The following CSGALNACT1 variants were observed in gnomAD, a reference collection of about 807,000 sequenced individuals.
The protein encoded by CSGALNACT1 is chondroitin sulfate N-acetylgalactosaminyltransferase 1.
CSGALNACT1 carries 52 observed loss-of-function variants against 51.0 expected under a neutral mutation model. The observed-to-expected ratio is 1.02, with a 90% confidence interval of 0.82 to 1.29. The LOEUF is 1.29. Among genes scored for constraint, CSGALNACT1 ranks in the 50% most tolerant of loss-of-function variants. The pLI, the probability that CSGALNACT1 is intolerant of heterozygous loss-of-function variation, is 0.00. For missense variants in CSGALNACT1, 935 were observed against 679.2 expected (o/e 1.38, Z -4.19); for synonymous variants, 341 against 254.4 (o/e 1.34, Z -3.24).
intron 1 of CSGALNACT1, among the ~76,000 whole-genome samples, chr8:19,632,706 A>G (rs1190314961): frequency 2.0e-5 from 3 of 152,166 alleles, no homozygotes; most frequent in African/African-American, 7.2e-5. Flanking sequence ...CTCCCCAGGA[A>G]AGGAAAGTTG....
intron 3 of CSGALNACT1, among the ~76,000 whole-genome samples, chr8:19,527,136 C>A (rs1284582538): frequency 1.3e-5 from 2 of 152,140 alleles, no homozygotes; most frequent in African/African-American, 4.8e-5. Flanking sequence ...CTGGCAGTAA[C>A]AGATCCATGA....
intron 3 of CSGALNACT1, among the ~76,000 whole-genome samples, chr8:19,558,967 G>C (rs2040094196): frequency 6.6e-6 from 1 of 152,130 alleles, no homozygotes; most frequent in Non-Finnish European, 1.5e-5. Context: ...CCCAAAGGAA[G>C]ATCATTTCCA....
intron 3 of CSGALNACT1, among the ~76,000 whole-genome samples, chr8:19,524,318 T>A (rs1172136320): frequency 6.6e-6 from 1 of 152,122 alleles, no homozygotes; most frequent in African/African-American, 2.4e-5. Flanking sequence ...TAATTAAGAT[T>A]TTCCATTCCC....
At chr8:19,567,404 T>C (rs994140822) in intron 3 of CSGALNACT1, among the ~76,000 whole-genome samples, 9 of 152,214 alleles carry the variant, frequency 5.9e-5, no homozygotes, top group Admixed American at 5.2e-4. Context: ...ACTGCCATTT[T>C]CCACATTTAA....
intron 4 of CSGALNACT1, among the ~76,000 whole-genome samples, chr8:19,490,975 T>G (rs1474107804): frequency 6.6e-6 from 1 of 152,106 alleles, no homozygotes; most frequent in Admixed American, 6.5e-5. Flanking sequence ...TTTCTAGTCA[T>G]GTCAACATGA....
At chr8:19,668,552 A>G in intron 1 of CSGALNACT1, among the ~76,000 whole-genome samples, 1 of 152,244 alleles carries the variant, frequency 6.6e-6, no homozygotes, top group South Asian at 2.1e-4. Context: ...TAAAATGCCA[A>G]TCTATTTTAT....
At chr8:19,514,833 CA>C (rs1295571797) in intron 3 of CSGALNACT1, among the ~76,000 whole-genome samples, 1 of 150,838 alleles carries the variant, frequency 6.6e-6, no homozygotes, top group Non-Finnish European at 1.5e-5. Flanking sequence ...ACTCCGTCTC[CA>C]AAAGAAAATA....
At chr8:19,576,664 C>T (rs1200345305) in intron 3 of CSGALNACT1, among the ~76,000 whole-genome samples, 1 of 148,938 alleles carries the variant, frequency 6.7e-6, no homozygotes, top group Non-Finnish European at 1.5e-5. Flanking sequence ...CCACATTATC[C>T]AGCAGACCCC....
intron 3 of CSGALNACT1, among the ~76,000 whole-genome samples, chr8:19,562,960 A>C (rs945734113): frequency 6.6e-6 from 1 of 152,270 alleles, no homozygotes; most frequent in Non-Finnish European, 1.5e-5. Flanking sequence ...TCATTCTATT[A>C]TAAAGATACA....
chr8:19,659,661 CAT>C (rs2058596278), intron 1 of CSGALNACT1, among the ~76,000 whole-genome samples: 1 of 152,220 alleles, frequency 6.6e-6, no homozygotes, highest in Non-Finnish European at 1.5e-5. Flanking sequence ...TTCTCTTTTA[CAT>C]ATGAGTATAG....
At chr8:19,445,389 A>T (rs1169292303) in intron 5 of CSGALNACT1, among the ~76,000 whole-genome samples, 2 of 152,206 alleles carry the variant, frequency 1.3e-5, no homozygotes, top group Non-Finnish European at 2.9e-5. Flanking sequence ...TTCTAATAAC[A>T]TCTTTGCTGT....
At chr8:19,553,728 T>A (rs1177897480) in intron 3 of CSGALNACT1, among the ~76,000 whole-genome samples, 5 of 149,524 alleles carry the variant, frequency 3.3e-5, no homozygotes, top group Admixed American at 3.3e-4. Flanking sequence ...GGATTTTAAA[T>A]TTCAATGTAA....
chr8:19,599,214 C>G (rs1374759721), intron 2 of CSGALNACT1, among the ~76,000 whole-genome samples: 1 of 151,900 alleles, frequency 6.6e-6, no homozygotes, highest in African/African-American at 2.4e-5. Flanking sequence ...GGAGAGCCAA[C>G]AGCACATCTT....
chr8:19,684,737 A>G (rs1394907217), upstream of CSGALNACT1, among the ~76,000 whole-genome samples: 1 of 152,192 alleles, frequency 6.6e-6, no homozygotes, highest in Non-Finnish European at 1.5e-5. Context: ...GTTCCAATCA[A>G]AAAGCCTCTC....
At chr8:19,549,973 T>G (rs1322038130) in intron 3 of CSGALNACT1, among the ~76,000 whole-genome samples, 1 of 152,182 alleles carries the variant, frequency 6.6e-6, no homozygotes, top group African/African-American at 2.4e-5. Context: ...AATCTCTTTT[T>G]GTTTTTAATT....
At chr8:19,569,415 T>C (rs1418275780) in intron 3 of CSGALNACT1, among the ~76,000 whole-genome samples, 3 of 152,178 alleles carry the variant, frequency 2.0e-5, no homozygotes, top group Admixed American at 6.5e-5. Flanking sequence ...TGTCCTTTTA[T>C]AGACCTTGTG....
chr8:19,586,260 G>A (rs915586333), intron 3 of CSGALNACT1, among the ~76,000 whole-genome samples: 1 of 152,128 alleles, frequency 6.6e-6, no homozygotes, highest in African/African-American at 2.4e-5. Context: ...TTGGGAGGCT[G>A]AAGCAGAAGA....
chr8:19,653,718 C>T (rs2058026628), intron 1 of CSGALNACT1, among the ~76,000 whole-genome samples: 1 of 151,792 alleles, frequency 6.6e-6, no homozygotes, highest in African/African-American at 2.4e-5. Flanking sequence ...TGCTTAAGCC[C>T]AGGGGATCAA....
chr8:19,451,828 T>A (rs1225856489), intron 5 of CSGALNACT1, among the ~76,000 whole-genome samples: 1 of 152,166 alleles, frequency 6.6e-6, no homozygotes, highest in Non-Finnish European at 1.5e-5. Flanking sequence ...ATAATCCGCA[T>A]AGAACTGCAA....
Sources: gnomAD v4.1 joint callset for allele counts (sites outside exome capture counted in the v4.1 genomes callset) on GRCh38, gnomAD v4.1.1 for gene constraint, MANE v1.5 for transcripts, NCBI Gene and HGNC (gene_info 2026-07-23, HGNC 2026-07-21) for gene names.